SPOCK1: variants seen among roughly 807,000 people sequenced by gnomAD.
SPOCK1 encodes SPARC (osteonectin), cwcv and kazal like domains proteoglycan 1.
Under a neutral mutation model 55.3 loss-of-function variants are expected in SPOCK1, and 23 were observed. The ratio of observed to expected loss-of-function variants is 0.42; its 90% CI spans 0.30 to 0.59. The LOEUF (loss-of-function observed/expected upper bound fraction) is 0.59, where lower values mean the gene tolerates loss of function less well. Ranked by LOEUF, SPOCK1 falls within the 20% of genes least tolerant of loss-of-function variation. The probability of loss-of-function intolerance (pLI) is 0.22; values close to 1 mark genes in which losing one functional copy is unlikely to be tolerated. For missense variants in SPOCK1, 499 were observed against 552.5 expected, an observed-to-expected ratio of 0.90 and a Z score of 0.97; for synonymous variants, 226 against 221.0, an observed-to-expected ratio of 1.02 and a Z score of -0.20.
At chr5:137,148,205 C>T (rs899778011) in intron 3 of SPOCK1, among the ~76,000 whole-genome samples, 4 of 152,122 alleles carry the variant, frequency 2.6e-5, no homozygotes, top group African/African-American at 7.2e-5. Flanking sequence ...TGGCATGTGT[C>T]TCTGAGATGA....
At chr5:137,346,881 G>A (rs951089834) in intron 2 of SPOCK1, among the ~76,000 whole-genome samples, 1 of 152,178 alleles carries the variant, frequency 6.6e-6, no homozygotes, top group African/African-American at 2.4e-5. Flanking sequence ...TCTACATGGT[G>A]TATGCCTAGT....
chr5:137,450,284 G>C (rs1753228048), intron 2 of SPOCK1, among the ~76,000 whole-genome samples: 1 of 152,160 alleles, frequency 6.6e-6, no homozygotes, highest in Non-Finnish European at 1.5e-5. Flanking sequence ...GTAATGATAG[G>C]TGTTAACCCA....
intron 2 of SPOCK1, among the ~76,000 whole-genome samples, chr5:137,389,352 G>A (rs1344821730): frequency 1.3e-5 from 2 of 152,186 alleles, no homozygotes; most frequent in Non-Finnish European, 2.9e-5. Flanking sequence ...AATCCCCACT[G>A]TCTAATACTA....
intron 2 of SPOCK1, chr5:137,313,629 A>G (rs1757824463): frequency 6.8e-6 from 2 of 293,940 alleles, no homozygotes; most frequent in South Asian, 2.7e-4. Flanking sequence ...GCACAAATAT[A>G]GATGCTCTGG....
At position 136,978,675 on chromosome 5, in the gene SPOCK1, A is replaced by T. The variant is rs547802361; in HGVS notation, c.1299T>A (p.Asp433Glu). The change falls in exon 11 of 11, where the codon GAT (aspartate) becomes GAA (glutamate). Residue 433 changes from aspartate to glutamate, a missense_variant. By Grantham distance (45) the Asp-to-Glu change is conservative (BLOSUM62 2). Transcript: ENST00000394945. ...DDEDEDDDKE[D>E]EVGYIW Reference sequence around the variant, plus strand: ...GGCACTACCATATGTACCCGACCTCATCCTCTTTGTCATCATCCTCATCCT... The same window carrying T: ...GGCACTACCATATGTACCCGACCTCTTCCTCTTTGTCATCATCCTCATCCT... 4 of 1,611,404 alleles carry T rather than the reference A, an allele frequency of 2.5e-6. No individual in the cohort carries two copies. Among genetic ancestry groups the T allele is most frequent in the Non-Finnish European group, 3.4e-6 (4 of 1,179,088 alleles).
At chr5:137,017,235 A>C (rs1257585790) in intron 6 of SPOCK1, among the ~76,000 whole-genome samples, 1 of 152,216 alleles carries the variant, frequency 6.6e-6, no homozygotes, top group Non-Finnish European at 1.5e-5. Flanking sequence ...AGGCTTTGGC[A>C]ACTACAGACA....
chr5:137,397,782 G>A (rs1440634646), intron 2 of SPOCK1, among the ~76,000 whole-genome samples: 1 of 152,132 alleles, frequency 6.6e-6, no homozygotes, highest in African/African-American at 2.4e-5. Context: ...GCTGCAAGGG[G>A]CTTAAGTCAT....
intron 2 of SPOCK1, among the ~76,000 whole-genome samples, chr5:137,302,460 C>A (rs1301382142): frequency 6.6e-6 from 1 of 151,388 alleles, no homozygotes; most frequent in Non-Finnish European, 1.5e-5. Flanking sequence ...ACCTGTAGTC[C>A]CAGCTACTCG....
chr5:137,360,720 C>T (rs886674871), intron 2 of SPOCK1, among the ~76,000 whole-genome samples: 8 of 152,174 alleles, frequency 5.3e-5, no homozygotes, highest in African/African-American at 1.9e-4. Flanking sequence ...TTTAGGTGCA[C>T]ATTTCTCAGA....
chr5:137,309,551 T>TA (rs1230600264), intron 2 of SPOCK1, among the ~76,000 whole-genome samples: 4 of 152,228 alleles, frequency 2.6e-5, no homozygotes, highest in Non-Finnish European at 2.9e-5. Flanking sequence ...GGACATGCAC[T>TA]AAACACATCC....
intron 3 of SPOCK1, among the ~76,000 whole-genome samples, chr5:137,183,969 C>A (rs184837874): frequency 6.6e-6 from 1 of 152,326 alleles, no homozygotes; most frequent in Admixed American, 6.5e-5. Flanking sequence ...AGGAGACAAT[C>A]CAGCCAACAC....
Position 137,140,630 on chromosome 5 carries a change from G to A in SPOCK1, c.297C>T (p.Thr99=). 1 of 1,614,034 alleles carries A rather than the reference G, an allele frequency of 6.2e-7. No homozygotes were observed. The highest frequency in any genetic ancestry group is 1.1e-5 in the South Asian group (1 of 91,030). Residue 99 remains threonine, a synonymous_variant, in exon 4 of 11, where the codon ACC becomes ACT. Transcript: ENST00000394945. ...CACACAGGGCGGTCTGGTAGTCCTGGGTCACACACACTTTGTGAGGGCTGC... is the reference window on the plus strand; with the variant it reads ...CACACAGGGCGGTCTGGTAGTCCTGAGTCACACACACTTTGTGAGGGCTGC... The part of the protein sequence containing the change: ...VKCSPHKVCV[T]QDYQTALCVS...
rs1046858106 is a variant in SPOCK1 at position 137,262,557 on chromosome 5, T to C, written c.232+4453A>G. ...AACTGGGAGTGTCCCCCAAGAGACG[T>C]CTTCCTTAGTGTTGTCCCTATTATC... On this transcript the variant is annotated intron_variant, in intron 3 of 10. Coordinates refer to ENST00000394945, the MANE Select transcript of SPOCK1 (RefSeq NM_004598.4). Among the ~76,000 whole-genome samples the C allele has an allele frequency of 9.3e-4, 141 of 152,248 alleles. 2 individuals are homozygous for C. The highest frequency in any genetic ancestry group is 3.4e-3 in the African/African-American group (139 of 41,464).
chr5:137,493,151 C>T (rs1008671480), intron 2 of SPOCK1, among the ~76,000 whole-genome samples: 1 of 152,202 alleles, frequency 6.6e-6, no homozygotes, highest in African/African-American at 2.4e-5. Flanking sequence ...AGGCAGTCAC[C>T]TCACCACAGG....
intron 4 of SPOCK1, among the ~76,000 whole-genome samples, chr5:137,118,509 A>G (rs1246830886): frequency 6.6e-6 from 1 of 152,196 alleles, no homozygotes; most frequent in Non-Finnish European, 1.5e-5. Context: ...CACAGGGGAC[A>G]CCAAGGGAGT....
At chr5:137,483,544 C>T (rs996311925) in intron 2 of SPOCK1, among the ~76,000 whole-genome samples, 1 of 152,136 alleles carries the variant, frequency 6.6e-6, no homozygotes, top group Non-Finnish European at 1.5e-5. Context: ...GAACAACACT[C>T]TTACCTTCAT....
intron 1 of SPOCK1, 27 bp from the exon 2 acceptor site, chr5:137,498,585 G>A (rs1358854366): frequency 2.2e-6 from 3 of 1,393,356 alleles, no homozygotes; most frequent in Non-Finnish European, 2.8e-6. Context: ...GCAGGGCGAT[G>A]AGCGAAGAGG....
At chr5:137,194,256 C>A (rs530777819) in intron 3 of SPOCK1, among the ~76,000 whole-genome samples, 4 of 152,308 alleles carry the variant, frequency 2.6e-5, no homozygotes, top group African/African-American at 9.6e-5. Context: ...TCATGCTTTG[C>A]AGATTCAATA....
intron 2 of SPOCK1, among the ~76,000 whole-genome samples, chr5:137,498,084 G>C (rs894934674): frequency 2.0e-5 from 3 of 152,136 alleles, no homozygotes; most frequent in Admixed American, 1.3e-4. Context: ...CTGGTGATCT[G>C]TGCTGTATTT....
Sources: gnomAD v4.1 joint callset for allele counts (sites outside exome capture counted in the v4.1 genomes callset) on GRCh38, gnomAD v4.1.1 for gene constraint, MANE v1.5 for transcripts, NCBI Gene and HGNC (gene_info 2026-07-23, HGNC 2026-07-21) for gene names.